The following ACVR1C variants were observed in gnomAD, a reference collection of about 807,000 sequenced individuals.
ACVR1C encodes activin A receptor type 1C.
In ACVR1C, 23 loss-of-function variants were observed where a neutral mutation model predicts 57.9. That is an observed-to-expected ratio of 0.40 (90% confidence interval 0.29 to 0.56). The LOEUF is 0.56. ACVR1C is among the 20% of genes least tolerant of loss of function. The pLI, the probability that ACVR1C is intolerant of heterozygous loss-of-function variation, is 0.50. For missense variants in ACVR1C, 480 were observed against 607.9 expected (o/e 0.79, Z 2.21); for synonymous variants, 214 against 215.3 (o/e 0.99, Z 0.05).
At chr2:157,617,118 C>T (rs1408098000) in intron 1 of ACVR1C, among the ~76,000 whole-genome samples, 1 of 151,838 alleles carries the variant, frequency 6.6e-6, no homozygotes, top group Non-Finnish European at 1.5e-5. Flanking sequence ...AAAATACATG[C>T]AAATACTAAA....
intron 3 of ACVR1C, among the ~76,000 whole-genome samples, chr2:157,550,734 CA>C (rs61211065): frequency 0.017 from 2,301 of 138,542 alleles, 39 homozygotes; most frequent in African/African-American, 0.057. Flanking sequence ...AGAGTAAAAG[CA>C]AAAAAAAAAA....
At chr2:157,565,991 G>C (rs922083933) in intron 2 of ACVR1C, among the ~76,000 whole-genome samples, 1 of 152,140 alleles carries the variant, frequency 6.6e-6, no homozygotes, top group Non-Finnish European at 1.5e-5. Context: ...GCAGAGGTAA[G>C]CTTAATAAAA....
intron 2 of ACVR1C, among the ~76,000 whole-genome samples, chr2:157,584,016 T>G (rs571060400): frequency 2.2e-4 from 34 of 151,954 alleles, no homozygotes; most frequent in Non-Finnish European, 4.0e-4. Context: ...TAAATCAGAC[T>G]TCATCAAAAT....
At chr2:157,582,742 G>A (rs1688820118) in intron 2 of ACVR1C, among the ~76,000 whole-genome samples, 1 of 152,090 alleles carries the variant, frequency 6.6e-6, no homozygotes, top group Non-Finnish European at 1.5e-5. Context: ...AGGAAAAGAA[G>A]TAAAATTCTG....
chr2:157,628,069 C>T (rs375967716), intron 1 of ACVR1C, among the ~76,000 whole-genome samples: 17 of 152,272 alleles, frequency 1.1e-4, no homozygotes, highest in African/African-American at 4.1e-4. Context: ...GCATCTGCGG[C>T]TTTTGGGGTA....
At chr2:157,537,532 A>G (rs978208213) in intron 8 of ACVR1C, among the ~76,000 whole-genome samples, 3 of 152,020 alleles carry the variant, frequency 2.0e-5, no homozygotes, top group African/African-American at 7.2e-5. Flanking sequence ...AGAAATTAGA[A>G]AAAGGATTGA....
intron 1 of ACVR1C, among the ~76,000 whole-genome samples, chr2:157,606,109 A>G (rs958013613): frequency 3.3e-5 from 5 of 151,660 alleles, no homozygotes; most frequent in Non-Finnish European, 7.4e-5. Flanking sequence ...CAGTTCCATC[A>G]TGTTGCTGCA....
intron 2 of ACVR1C, among the ~76,000 whole-genome samples, chr2:157,559,248 A>C (rs1688179625): frequency 6.6e-6 from 1 of 152,230 alleles, no homozygotes; most frequent in Non-Finnish European, 1.5e-5. Context: ...ACTTTTGTGA[A>C]CAAATTTACC....
chr2:157,533,841 A>G lies in ACVR1C; in HGVS notation c.*77T>C, dbSNP rs1441420189. On this transcript the variant is annotated 3_prime_UTR_variant, in exon 9 of 9. Coordinates refer to ENST00000243349, the MANE Select transcript of ACVR1C (RefSeq NM_145259.3). ...ATCTTTGAGGTAGAACAAAAAAAAA[A>G]TGGCAAAAACATTCACATAAAGGGG... The G allele has an allele frequency of 2.1e-6, 3 of 1,396,824 alleles. No individual in the cohort carries two copies. Among genetic ancestry groups the G allele is most frequent in the Non-Finnish European group, 2.8e-6 (3 of 1,063,414 alleles). 86.5% of individuals were successfully genotyped at this position (1,396,824 alleles called of 1,614,324 possible).
In ACVR1C at chr2:157,574,384, G is replaced by A. The variant is rs566466412; in HGVS notation, c.304+12803C>T. On this transcript the variant is annotated intron_variant, in intron 2 of 8. Transcript: ENST00000243349. Reference sequence around the variant, plus strand: ...GAGGGCACTAGTCTCATTCATGAGGGCTCCACCCTCCTGACCTAATCAAGT... The same window carrying A: ...GAGGGCACTAGTCTCATTCATGAGGACTCCACCCTCCTGACCTAATCAAGT... Among the ~76,000 whole-genome samples the A allele has an allele frequency of 2.0e-5, 3 of 152,250 alleles. No individual in the cohort carries two copies. The East Asian group carries it at 5.8e-4, about 29-fold the overall frequency.
At chr2:157,534,279 A>T (rs1687428170) in intron 8 of ACVR1C, among the ~76,000 whole-genome samples, 1 of 152,086 alleles carries the variant, frequency 6.6e-6, no homozygotes, top group Non-Finnish European at 1.5e-5. Flanking sequence ...TCTTCCAAGT[A>T]GCTGGGACAC....
chr2:157,541,263 C>T, intron 6 of ACVR1C, 49 bp from the exon 7 acceptor site: 1 of 1,551,556 alleles, frequency 6.4e-7, no homozygotes, highest in Middle Eastern at 1.7e-4. Context: ...TTATAGCAGT[C>T]CAGTAAAACA....
chr2:157,536,406 T>C lies in ACVR1C; in HGVS notation c.1356+2167A>G, dbSNP rs1687488979. Among the ~76,000 whole-genome samples, 3 of 152,134 alleles carry C rather than the reference T, an allele frequency of 2.0e-5. No homozygotes were observed. The South Asian group carries it at 6.2e-4, about 31-fold the overall frequency. ...CTGAAGACAGAGAAGTTCTTAAAAGTAGTCATAAAGAAAAGATAAATTAAC... is the reference window on the plus strand; with the variant it reads ...CTGAAGACAGAGAAGTTCTTAAAAGCAGTCATAAAGAAAAGATAAATTAAC... On this transcript the variant is annotated intron_variant, in intron 8 of 8. Coordinates refer to ENST00000243349, the MANE Select transcript of ACVR1C (RefSeq NM_145259.3).
intron 1 of ACVR1C, among the ~76,000 whole-genome samples, chr2:157,603,177 A>G (rs1682318348): frequency 6.6e-6 from 1 of 152,220 alleles, no homozygotes. Context: ...ATTCAGATAC[A>G]TCATCATCAT....
At chr2:157,564,175 G>A (rs1181203144) in intron 2 of ACVR1C, among the ~76,000 whole-genome samples, 1 of 152,136 alleles carries the variant, frequency 6.6e-6, no homozygotes, top group Non-Finnish European at 1.5e-5. Flanking sequence ...AGAGTGAACA[G>A]GTAACCTACA....
intron 4 of ACVR1C, among the ~76,000 whole-genome samples, 170 bp from the exon 5 acceptor site, chr2:157,544,782 A>C (rs1322913176): frequency 1.3e-5 from 2 of 152,246 alleles, no homozygotes; most frequent in African/African-American, 4.8e-5. Context: ...TGAATTCCTG[A>C]AGATATTGAT....
In ACVR1C at chr2:157,528,188, A is replaced by AT. The variant is rs1687274721; in HGVS notation, c.*5729dup. 1 of 152,226 alleles carries AT rather than the reference A, an allele frequency of 6.6e-6. No homozygotes were observed. The highest frequency in any genetic ancestry group is 1.5e-5 in the Non-Finnish European group (1 of 68,088). The allele number at this position is 152,226 out of a possible 1,614,324, so 9.4% of individuals were successfully genotyped here. On this transcript the variant is annotated 3_prime_UTR_variant, in exon 9 of 9. Coordinates refer to ENST00000243349, the MANE Select transcript of ACVR1C (RefSeq NM_145259.3). The stretch of plus-strand genomic sequence containing the variant: ...ATGTCTGGGAGCCAATTGCAGTTGG[A>AT]TTTTAGCCCGCACCTGCCCCTCAGC...
Position 157,531,823 on chromosome 2 carries a change from C to G in ACVR1C, c.*2095G>C, listed in dbSNP as rs1479638037. 6.6e-6 allele frequency: 1 copy of G among 152,054 alleles called. No individual in the cohort carries two copies. Among genetic ancestry groups the G allele is most frequent in the Non-Finnish European group, 1.5e-5 (1 of 67,980 alleles). 9.4% of individuals were successfully genotyped at this position (152,054 alleles called of 1,614,324 possible). On this transcript the variant is annotated 3_prime_UTR_variant, in exon 9 of 9. Coordinates refer to ENST00000243349, the MANE Select transcript of ACVR1C (RefSeq NM_145259.3). ...TTGCAAATGAAAGCAATTTTCAGACCTATCCTAGAAACCCACTGTCATGCA... is the reference window on the plus strand; with the variant it reads ...TTGCAAATGAAAGCAATTTTCAGACGTATCCTAGAAACCCACTGTCATGCA...
At chr2:157,626,922 G>A (rs13398230) in intron 1 of ACVR1C, among the ~76,000 whole-genome samples, 13 of 152,152 alleles carry the variant, frequency 8.5e-5, no homozygotes, top group African/African-American at 1.7e-4. Context: ...TTAAGTGAGC[G>A]ACTTTGAATG....
Sources: allele counts gnomAD v4.1 joint callset (sites outside exome capture counted in the v4.1 genomes callset), GRCh38; gene constraint gnomAD v4.1.1; transcripts MANE v1.5; gene names NCBI Gene and HGNC (gene_info 2026-07-23, HGNC 2026-07-21).